ARHGAP31: variants seen among roughly 807,000 people sequenced by gnomAD.
ARHGAP31 encodes Rho GTPase activating protein 31.
Under a neutral mutation model 113.9 loss-of-function variants are expected in ARHGAP31, and 34 were observed. The observed-to-expected ratio is 0.30, with a 90% CI of 0.23 to 0.40. The LOEUF (loss-of-function observed/expected upper bound fraction) is 0.40, where lower values mean the gene tolerates loss of function less well. Among genes scored for constraint, ARHGAP31 ranks in the 10% least tolerant of loss-of-function variants. ARHGAP31 has a pLI of 1.00. For missense variants in ARHGAP31, 1,548 were observed against 1,767.1 expected (o/e 0.88, Z 2.22); for synonymous variants, 650 against 684.8 (o/e 0.95, Z 0.79).
chr3:119,360,737 C>T (rs2080198705), intron 1 of ARHGAP31, among the ~76,000 whole-genome samples: 1 of 152,138 alleles, frequency 6.6e-6, no homozygotes, highest in Non-Finnish European at 1.5e-5. Flanking sequence ...CCCTCAGAAA[C>T]CTCTTCAAGT....
chr3:119,393,366 A>G (rs1167145147), intron 7 of ARHGAP31, 101 bp from the exon 8 acceptor site: 36 of 1,446,352 alleles, frequency 2.5e-5, no homozygotes, highest in Admixed American at 5.0e-5. Context: ...TATCAGAGCC[A>G]TTCATAACTG....
At chr3:119,301,256 CT>C (rs1281563410) in intron 1 of ARHGAP31, among the ~76,000 whole-genome samples, 4 of 152,206 alleles carry the variant, frequency 2.6e-5, no homozygotes, top group Non-Finnish European at 4.4e-5. Flanking sequence ...ATCCAGATGC[CT>C]TCCAGCTTCA....
chr3:119,388,981 A>G (rs1402381009), intron 6 of ARHGAP31, among the ~76,000 whole-genome samples: 3 of 151,926 alleles, frequency 2.0e-5, no homozygotes, highest in Non-Finnish European at 4.4e-5. Context: ...ACATGGAGAA[A>G]CCCCATTACT....
chr3:119,294,628 G>A lies in ARHGAP31; in HGVS notation c.-277G>A. The stretch of plus-strand genomic sequence containing the variant: ...CCTGTGAAAGTCCCTAGGACTCCAA[G>A]TGAGGAAGTGACACTCCCAGGCGAG... On this transcript the variant is annotated 5_prime_UTR_variant, in exon 1 of 12. In the 5' UTR this introduces an upstream ATG that the reference lacks. Transcript: ENST00000264245. The A allele has an allele frequency of 1.8e-6, 1 of 558,622 alleles. No homozygotes were observed. The allele number at this position is 558,622 out of a possible 1,614,324, so 34.6% of individuals were successfully genotyped here.
intron 3 of ARHGAP31, among the ~76,000 whole-genome samples, chr3:119,378,420 G>A (rs954465331): frequency 2.6e-5 from 4 of 152,110 alleles, no homozygotes. Context: ...AGGCCTCCAG[G>A]GATGAGCCTG....
intron 1 of ARHGAP31, among the ~76,000 whole-genome samples, chr3:119,359,207 G>A (rs1260322068): frequency 6.6e-6 from 1 of 151,894 alleles, no homozygotes; most frequent in Non-Finnish European, 1.5e-5. Flanking sequence ...TAGTAGAGAC[G>A]AGGTTTCACT....
At chr3:119,330,146 C>G (rs2079880272) in intron 1 of ARHGAP31, among the ~76,000 whole-genome samples, 1 of 152,190 alleles carries the variant, frequency 6.6e-6, no homozygotes, top group Admixed American at 6.5e-5. Flanking sequence ...AAATGAAGCT[C>G]AAAGGCAGGA....
At chr3:119,411,672 C>T (rs2080718604) in intron 11 of ARHGAP31, among the ~76,000 whole-genome samples, 1 of 152,166 alleles carries the variant, frequency 6.6e-6, no homozygotes, top group South Asian at 2.1e-4. Flanking sequence ...AAGGAGGGCA[C>T]AGTCTAGTAG....
intron 1 of ARHGAP31, chr3:119,341,815 C>G (rs1447955338): frequency 1.3e-5 from 2 of 151,300 alleles, no homozygotes; most frequent in East Asian, 3.9e-4. Context: ...TGCCAGACAT[C>G]CTCTCACTTT....
intron 1 of ARHGAP31, among the ~76,000 whole-genome samples, chr3:119,363,029 G>T (rs2080223683): frequency 6.6e-6 from 1 of 152,140 alleles, no homozygotes; most frequent in Non-Finnish European, 1.5e-5. Context: ...TATCACTATT[G>T]TCCTTTTACA....
Position 119,416,140 on chromosome 3 carries a change from C to G in ARHGAP31, c.4211C>G (p.Thr1404Arg), listed in dbSNP as rs552532282. 3.0e-5 allele frequency: 48 copies of G among 1,614,210 alleles called. 1 individual carries two copies. In the East Asian group the frequency reaches 8.2e-4, roughly 28 times the overall value. ...ACATGGGTCACACCAGAAGGGGTTA[C>G]ACTTAGGAATAAAATGACCATCCCT... is the stretch of plus-strand genomic sequence containing the variant. ...ENTWVTPEGV[T>R]LRNKMTIPKN... The change falls in exon 12 of 12, where the codon ACA becomes AGA. Residue 1404 changes from threonine (T) to arginine (R), a missense_variant. Thr to Arg is a moderately conservative substitution (Grantham distance 71, BLOSUM62 -1). Transcript: ENST00000264245.
In ARHGAP31 at chr3:119,417,354, G is replaced by C. The variant is rs538621535; in HGVS notation, c.*1090G>C. 1 of 152,232 alleles carries C rather than the reference G, an allele frequency of 6.6e-6. No homozygotes were observed. Among genetic ancestry groups the C allele is most frequent in the Non-Finnish European group, 1.5e-5 (1 of 68,136 alleles). 9.4% of individuals were successfully genotyped at this position (152,232 alleles called of 1,614,324 possible). The stretch of plus-strand genomic sequence containing the variant: ...GGCGAGGGAAGAGCCCTAGCAGGGC[G>C]GCCATCACAACCACTCACTGAGAGT... On this transcript the variant is annotated 3_prime_UTR_variant, in exon 12 of 12. Coordinates refer to ENST00000264245, the MANE Select transcript of ARHGAP31 (RefSeq NM_020754.4).
At chr3:119,303,865 G>T (rs1012980954) in intron 1 of ARHGAP31, among the ~76,000 whole-genome samples, 14 of 151,864 alleles carry the variant, frequency 9.2e-5, no homozygotes, top group African/African-American at 2.9e-4. Flanking sequence ...TGCGATCTCG[G>T]CTCACTGCAA....
chr3:119,395,558 G>A lies in ARHGAP31; in HGVS notation c.1006+1967G>A, dbSNP rs947109864. ...CTGACTATCCCACTAGGTCCAGAGG[G>A]AGAAAGAACATTTCTGGTAGCTTGC... On this transcript the variant is annotated intron_variant, in intron 8 of 11. Transcript: ENST00000264245. Among the ~76,000 whole-genome samples the A allele has an allele frequency of 2.6e-5, 4 of 152,196 alleles. No homozygotes were observed. In the East Asian group the frequency reaches 7.7e-4, roughly 29 times the overall value.
chr3:119,408,746 A>G (rs1331027667), intron 10 of ARHGAP31, among the ~76,000 whole-genome samples: 1 of 152,196 alleles, frequency 6.6e-6, no homozygotes, highest in African/African-American at 2.4e-5. Context: ...GAGTGTGGAA[A>G]CAGCTTTATG....
intron 1 of ARHGAP31, among the ~76,000 whole-genome samples, chr3:119,340,861 A>G (rs12486197): frequency 0.08 from 12,226 of 152,270 alleles, 704 homozygotes; most frequent in Admixed American, 0.17. Flanking sequence ...TCTCTTAAGT[A>G]TGTTAATGTT....
intron 1 of ARHGAP31, among the ~76,000 whole-genome samples, chr3:119,344,072 T>G (rs188095064): frequency 2.0e-4 from 31 of 152,296 alleles, no homozygotes; most frequent in African/African-American, 7.2e-4. Context: ...GGAAAGGAAC[T>G]CAGAGACAGA....
intron 11 of ARHGAP31, among the ~76,000 whole-genome samples, chr3:119,412,083 C>T (rs1299261015): frequency 6.6e-6 from 1 of 152,164 alleles, no homozygotes; most frequent in Admixed American, 6.5e-5. Context: ...CAGAATTAGG[C>T]CTTGAGGCAA....
chr3:119,336,202 C>G, intron 1 of ARHGAP31, among the ~76,000 whole-genome samples: 1 of 152,114 alleles, frequency 6.6e-6, no homozygotes, highest in Non-Finnish European at 1.5e-5. Context: ...AATACTGGTT[C>G]TGAGTTAAGA....
Sources: allele counts gnomAD v4.1 joint callset (sites outside exome capture counted in the v4.1 genomes callset), GRCh38; gene constraint gnomAD v4.1.1; transcripts MANE v1.5; gene names NCBI Gene and HGNC (gene_info 2026-07-23, HGNC 2026-07-21).